VPS35L: variants seen among roughly 807,000 people sequenced by gnomAD.
VPS35L encodes the protein VPS35 endosomal protein sorting factor like, also known as VPS35 endosomal protein-sorting factor-like.
A neutral mutation model predicts 133.0 loss-of-function variants in VPS35L; 83 were observed. The ratio of observed to expected loss-of-function variants is 0.62; its 90% CI spans 0.52 to 0.75. The LOEUF (loss-of-function observed/expected upper bound fraction) is 0.75, where lower values mean the gene tolerates loss of function less well. VPS35L is among the 30% of genes least tolerant of loss of function. The pLI is 0.00. For synonymous variants in VPS35L, 423 were observed against 449.9 expected, an observed-to-expected ratio of 0.94 and a Z score of 0.76; for missense variants, 1,083 against 1,206.8, an observed-to-expected ratio of 0.90 and a Z score of 1.52.
intron 12 of VPS35L, among the ~76,000 whole-genome samples, chr16:19,614,447 T>G (rs1292717533): frequency 6.6e-6 from 1 of 152,216 alleles, no homozygotes; most frequent in African/African-American, 2.4e-5. Flanking sequence ...AGTCTCACTT[T>G]GTTGCCCAGG....
rs749909431 is a variant in VPS35L, at chr16:19,573,170, G to A, written c.337G>A (p.Asp113Asn). The change falls in exon 4 of 31, where the codon GAT becomes AAT. Residue 113 changes from aspartate (D) to asparagine (N), a missense_variant. By Grantham distance (23) the Asp-to-Asn change is conservative. Coordinates refer to ENST00000417362, the MANE Select transcript of VPS35L (RefSeq NM_020314.7). ...AGATGATAACTCCGTTGTAGGATCG[G>A]ATTTTGAGCCTTGGACCAACAAACG... ...DRDDNSVVGS[D>N]FEPWTNKRGE... 6.2e-7 allele frequency: 1 copy of A among 1,613,988 alleles called. No individual in the cohort carries two copies. The highest frequency in any genetic ancestry group is 8.5e-7 in the Non-Finnish European group (1 of 1,179,908).
At chr16:19,586,515 T>A (rs1409602889) in intron 7 of VPS35L, among the ~76,000 whole-genome samples, 1 of 152,046 alleles carries the variant, frequency 6.6e-6, no homozygotes, top group Non-Finnish European at 1.5e-5. Context: ...AATTTTTGTA[T>A]TTTTAGTAGA....
Position 19,700,965 on chromosome 16 carries a change from A to AT in VPS35L, c.*489_*490insT, listed in dbSNP as rs1976113737. ...CCTGAACCCCTATGGAGGATTTATAAAAGGCAGAAATAGCACTCCATTAAC... is the reference window on the plus strand; with the variant it reads ...CCTGAACCCCTATGGAGGATTTATAATAAGGCAGAAATAGCACTCCATTAAC... On this transcript the variant is annotated 3_prime_UTR_variant, in exon 31 of 31. Coordinates refer to ENST00000417362, the MANE Select transcript of VPS35L (RefSeq NM_020314.7). The AT allele has an allele frequency of 6.5e-6, 1 of 153,640 alleles. No homozygotes were observed. The highest frequency in any genetic ancestry group is 2.0e-4 in the South Asian group (1 of 4,898). The allele number at this position is 153,640 out of a possible 1,614,324, so 9.5% of individuals were successfully genotyped here.
At chr16:19,645,677 C>G (rs534380204) in intron 23 of VPS35L, among the ~76,000 whole-genome samples, 2 of 152,316 alleles carry the variant, frequency 1.3e-5, no homozygotes, top group East Asian at 1.9e-4. Context: ...TCCATCCCCC[C>G]CAGCTCTGCA....
intron 29 of VPS35L, among the ~76,000 whole-genome samples, chr16:19,698,642 T>C (rs1240039816): frequency 6.6e-6 from 1 of 152,130 alleles, no homozygotes; most frequent in Non-Finnish European, 1.5e-5. Flanking sequence ...GCAGAATCCC[T>C]GGCACACTCT....
Position 19,627,729 on chromosome 16 carries a change from G to T in VPS35L, c.1307G>T (p.Arg436Leu). 6.2e-7 allele frequency: 1 copy of T among 1,614,012 alleles called. No homozygotes were observed. Among genetic ancestry groups the T allele is most frequent in the Non-Finnish European group, 8.5e-7 (1 of 1,179,934 alleles). Reference sequence around the variant, plus strand: ...TTGAATTCTGTGATGTCTGCCTTCCGGGCTGAGTTCATCGCCACAAGGTCT... The same window carrying T: ...TTGAATTCTGTGATGTCTGCCTTCCTGGCTGAGTTCATCGCCACAAGGTCT... ...LLLNSVMSAF[R>L]AEFIATRSMD... Residue 436 changes from arginine (R) to leucine (L), a missense_variant, in exon 16 of 31, where the codon CGG (arginine) becomes CTG (leucine). Transcript: ENST00000417362.
intron 27 of VPS35L, among the ~76,000 whole-genome samples, chr16:19,672,503 T>A (rs1974910476): frequency 6.6e-6 from 1 of 152,206 alleles, no homozygotes; most frequent in South Asian, 2.1e-4. Flanking sequence ...TATATCTCAG[T>A]AAAGCTGAGA....
rs1971624658 is a variant in VPS35L, at chr16:19,579,059, T to C, written c.441T>C (p.Ala147=). 1 of 1,614,080 alleles carries C rather than the reference T, an allele frequency of 6.2e-7. No homozygotes were observed. The highest frequency in any genetic ancestry group is 1.6e-4 in the Middle Eastern group (1 of 6,062). The change falls in exon 6 of 31, where the codon GCT becomes GCC. Residue 147 remains alanine (A), a synonymous_variant. Coordinates refer to ENST00000417362, the MANE Select transcript of VPS35L (RefSeq NM_020314.7). ...NLFMGSEKGK[A]GTATLAMSEK... ...TAAATTCATTCTGTTTAGGCAAAGC[T>C]GGGACTGCCACATTGGCAATGTCAG...
intron 26 of VPS35L, among the ~76,000 whole-genome samples, chr16:19,656,325 T>A (rs765570561): frequency 7.1e-6 from 1 of 141,512 alleles, no homozygotes; most frequent in Non-Finnish European, 1.5e-5. Context: ...GGAAGTATGT[T>A]TAAGGTGGGT....
chr16:19,603,013 C>A (rs943795975), intron 9 of VPS35L, among the ~76,000 whole-genome samples: 1 of 152,152 alleles, frequency 6.6e-6, no homozygotes, highest in African/African-American at 2.4e-5. Context: ...AGTCCTCCCA[C>A]CTCAGCCTCC....
chr16:19,655,414 C>T (rs957513612), intron 26 of VPS35L, among the ~76,000 whole-genome samples: 6 of 152,178 alleles, frequency 3.9e-5, no homozygotes, highest in African/African-American at 7.2e-5. Flanking sequence ...CATGGAAATG[C>T]GCTGCTTTTG....
Position 19,653,695 on chromosome 16 carries a change from G to T in VPS35L, c.2221+1605G>T, listed in dbSNP as rs183329643. ...ACACAACTGCACAGATTATGCCAAG[G>T]CTGGCGCCTCACCACTTGTTGCCAT... is the stretch of plus-strand genomic sequence containing the variant. On this transcript the variant is annotated intron_variant, in intron 26 of 30. Transcript: ENST00000417362. 2.6e-5 allele frequency among the ~76,000 whole-genome samples: 4 copies of T among 152,336 alleles called. 1 individual carries two copies. Among genetic ancestry groups the T allele is most frequent in the Admixed American group, 6.5e-5 (1 of 15,304 alleles).
chr16:19,616,563 C>A, intron 13 of VPS35L, 123 bp from the exon 14 acceptor site: 1 of 1,243,604 alleles, frequency 8.0e-7, no homozygotes, highest in Non-Finnish European at 1.1e-6. Flanking sequence ...ACCGAGAAAC[C>A]AGGCTATTTC....
intron 3 of VPS35L, among the ~76,000 whole-genome samples, chr16:19,571,888 T>G (rs1317724098): frequency 6.6e-6 from 1 of 151,756 alleles, no homozygotes; most frequent in East Asian, 1.9e-4. Flanking sequence ...CTTGGAGAAC[T>G]ATCCATGTTA....
chr16:19,697,179 T>C (rs1195982516), intron 29 of VPS35L, among the ~76,000 whole-genome samples: 4 of 152,228 alleles, frequency 2.6e-5, no homozygotes, highest in Non-Finnish European at 4.4e-5. Flanking sequence ...ACCTGCTCCC[T>C]GATGATTGGG....
intron 28 of VPS35L, among the ~76,000 whole-genome samples, chr16:19,685,884 C>CCTCTCCTCT (rs1975439757): frequency 1.3e-5 from 2 of 152,180 alleles, no homozygotes; most frequent in South Asian, 4.1e-4. Context: ...CATGCCCTGC[C>CCTCTCCTCT]CTCTCCTCTC....
intron 24 of VPS35L, among the ~76,000 whole-genome samples, chr16:19,650,151 C>T (rs141278483): frequency 3.3e-5 from 5 of 152,258 alleles, no homozygotes; most frequent in African/African-American, 9.6e-5. Flanking sequence ...GCATGACTGA[C>T]GTAGCCAACA....
At chr16:19,565,061 T>G in intron 2 of VPS35L, 111 bp downstream of exon 2, 1 of 113,736 alleles carries the variant, frequency 8.8e-6, no homozygotes. Context: ...GCATATTTGA[T>G]TTTTTTTTTT....
At chr16:19,695,470 C>G (rs749950091) in intron 29 of VPS35L, among the ~76,000 whole-genome samples, 3 of 152,102 alleles carry the variant, frequency 2.0e-5, no homozygotes, top group Non-Finnish European at 2.9e-5. Flanking sequence ...CACGTGGCAT[C>G]AATACCAGCG....
Sources: allele counts gnomAD v4.1 joint callset (sites outside exome capture counted in the v4.1 genomes callset), GRCh38; gene constraint gnomAD v4.1.1; transcripts MANE v1.5; gene names NCBI Gene and HGNC (gene_info 2026-07-23, HGNC 2026-07-21).